LRRC37A: variants seen among roughly 807,000 people sequenced by gnomAD.
The protein encoded by LRRC37A is leucine rich repeat containing 37A.
A neutral mutation model predicts 35.4 loss-of-function variants in LRRC37A; 3 were observed. The observed-to-expected ratio is 0.08, with a 90% CI of 0.04 to 0.22. The LOEUF is 0.22. Among genes scored for constraint, LRRC37A ranks in the 10% least tolerant of loss-of-function variants. The pLI, the probability that LRRC37A is intolerant of heterozygous loss-of-function variation, is 1.00. For missense variants in LRRC37A, 67 were observed against 565.3 expected, an observed-to-expected ratio of 0.12 and a Z score of 8.94; for synonymous variants, 23 against 215.0, an observed-to-expected ratio of 0.11 and a Z score of 7.81.
chr17:46,257,718 A>G, the LRRC37A span, among the ~76,000 whole-genome samples: 1 of 148,894 alleles, frequency 6.7e-6, no homozygotes, highest in South Asian at 2.1e-4. Context: ...GCTACTTGGG[A>G]GGCTGAGATG....
At chr17:46,291,864 G>T (rs1181480381), upstream of LRRC37A, among the ~76,000 whole-genome samples, 3 of 151,642 alleles carry the variant, frequency 2.0e-5, no homozygotes, top group Non-Finnish European at 4.4e-5. Context: ...GGGAACCTGA[G>T]GCGGAAGGAC....
At chr17:46,285,318 G>A in the LRRC37A span, among the ~76,000 whole-genome samples, 2 of 147,924 alleles carry the variant, frequency 1.4e-5, no homozygotes, top group Admixed American at 1.4e-4. Flanking sequence ...TTGGCTCACT[G>A]CAACCTCTGC....
the LRRC37A span, among the ~76,000 whole-genome samples, chr17:46,248,085 A>G: frequency 6.6e-6 from 1 of 152,028 alleles, no homozygotes; most frequent in South Asian, 2.1e-4. Flanking sequence ...TCTTCTTCAG[A>G]GACGTGGGAA....
the LRRC37A span, among the ~76,000 whole-genome samples, chr17:46,252,593 T>G: frequency 6.7e-6 from 1 of 149,470 alleles, no homozygotes; most frequent in African/African-American, 2.4e-5. Context: ...GCATGCTGCC[T>G]TCAAGCATCT....
At chr17:46,259,531 G>A in the LRRC37A span, 5 of 1,608,232 alleles carry the variant, frequency 3.1e-6, no homozygotes, top group African/African-American at 5.4e-5. Flanking sequence ...CGGGCTGCCT[G>A]TGGAGAGAGA....
the LRRC37A span, among the ~76,000 whole-genome samples, chr17:46,279,335 C>T: frequency 0.057 from 8,591 of 151,800 alleles, 828 homozygotes; most frequent in African/African-American, 0.2. Flanking sequence ...AGGTGCCTAC[C>T]ACAATGCCTG....
chr17:46,285,625 TA>T, the LRRC37A span, among the ~76,000 whole-genome samples: 6 of 152,240 alleles, frequency 3.9e-5, no homozygotes, highest in Admixed American at 3.3e-4. Context: ...GAAGTTTCTT[TA>T]AAAATAAAAT....
the LRRC37A span, among the ~76,000 whole-genome samples, chr17:46,249,529 T>C: frequency 0.1 from 15,589 of 149,212 alleles, 1,312 homozygotes; most frequent in Non-Finnish European, 0.15. Context: ...GAAATCTTTT[T>C]CTTGGTTCTC....
the LRRC37A span, among the ~76,000 whole-genome samples, chr17:46,287,113 C>CTG: frequency 6.6e-6 from 1 of 152,226 alleles, no homozygotes; most frequent in Non-Finnish European, 1.5e-5. Flanking sequence ...AACCATTCTA[C>CTG]CCCTGGCAAA....
At chr17:46,272,502 C>T in the LRRC37A span, among the ~76,000 whole-genome samples, 7 of 152,192 alleles carry the variant, frequency 4.6e-5, no homozygotes, top group African/African-American at 1.7e-4. Flanking sequence ...GCAACCTCCG[C>T]CTCCCAGGTT....
the LRRC37A span, among the ~76,000 whole-genome samples, chr17:46,277,083 G>T: frequency 6.6e-6 from 1 of 152,342 alleles, no homozygotes; most frequent in South Asian, 2.1e-4. Context: ...GAGATCACAG[G>T]TGTGAGCCAC....
the LRRC37A span, among the ~76,000 whole-genome samples, chr17:46,277,862 G>A: frequency 1.3e-5 from 2 of 152,062 alleles, no homozygotes; most frequent in African/African-American, 4.8e-5. Flanking sequence ...GGCCAGGCTG[G>A]TCTGGAACTC....
chr17:46,333,162 G>C (rs1398976094), intron 10 of LRRC37A, among the ~76,000 whole-genome samples: 3 of 105,804 alleles, frequency 2.8e-5, no homozygotes, highest in African/African-American at 8.7e-5. Flanking sequence ...AATAGGTCCA[G>C]TTAAAGCACT....
At chr17:46,287,956 C>T (rs1243864875), upstream of LRRC37A, among the ~76,000 whole-genome samples, 1 of 152,206 alleles carries the variant, frequency 6.6e-6, no homozygotes, top group Non-Finnish European at 1.5e-5. Context: ...AACATCATGT[C>T]AAAGTCATAG....
At chr17:46,252,991 C>T in the LRRC37A span, among the ~76,000 whole-genome samples, 1 of 149,520 alleles carries the variant, frequency 6.7e-6, no homozygotes, top group Non-Finnish European at 1.5e-5. Flanking sequence ...AATTCCCAGA[C>T]GGGGCGACTG....
the LRRC37A span, among the ~76,000 whole-genome samples, chr17:46,262,025 C>T: frequency 2.0e-5 from 3 of 152,340 alleles, no homozygotes; most frequent in South Asian, 2.1e-4. Flanking sequence ...CCTGAGCTCA[C>T]TGTAAACTCC....
At chr17:46,288,900 T>G (rs1567856475), upstream of LRRC37A, among the ~76,000 whole-genome samples, 1 of 152,036 alleles carries the variant, frequency 6.6e-6, no homozygotes, top group Non-Finnish European at 1.5e-5. Flanking sequence ...AGACAGGGTT[T>G]CACCATGTTG....
At chr17:46,323,430 T>C (rs1177418614) in intron 7 of LRRC37A, among the ~76,000 whole-genome samples, 2 of 101,626 alleles carry the variant, frequency 2.0e-5, no homozygotes, top group Non-Finnish European at 4.6e-5. Context: ...GGAATCTCAC[T>C]CTGTCGCCCA....
At chr17:46,266,991 T>G in the LRRC37A span, 1 of 157,852 alleles carries the variant, frequency 6.3e-6, no homozygotes, top group Non-Finnish European at 1.3e-5. Flanking sequence ...CCGCGCGCCG[T>G]TGTGCCGGCC....
Sources: gnomAD v4.1 joint callset for allele counts (sites outside exome capture counted in the v4.1 genomes callset) on GRCh38, gnomAD v4.1.1 for gene constraint, MANE v1.5 for transcripts, NCBI Gene and HGNC (gene_info 2026-07-23, HGNC 2026-07-21) for gene names.